Variants in GALNT7 observed in about 807,000 individuals in gnomAD.
GALNT7 encodes the protein N-acetylgalactosaminyltransferase 7.
A neutral mutation model predicts 82.1 loss-of-function variants in GALNT7; 60 were observed. That is an observed-to-expected ratio of 0.73 (90% CI 0.59 to 0.91). The LOEUF is 0.91. Ranked by LOEUF, GALNT7 falls within the 40% of genes least tolerant of loss-of-function variation. GALNT7 has a pLI of 0.00. For missense variants in GALNT7, 660 were observed against 804.2 expected (o/e 0.82, Z 2.17); for synonymous variants, 243 against 275.1 (o/e 0.88, Z 1.15).
chr4:173,247,991 T>A lies in GALNT7; in HGVS notation c.138T>A (p.Asp46Glu), dbSNP rs1454356568. 1 of 1,609,242 alleles carries A rather than the reference T, an allele frequency of 6.2e-7. No homozygotes were observed. Among genetic ancestry groups the A allele is most frequent in the African/African-American group, 1.3e-5 (1 of 74,838 alleles). Residue 46 changes from aspartate (D) to glutamate (E), a missense_variant, in exon 2 of 12, where the codon GAT becomes GAA. By Grantham distance (45) the Asp-to-Glu change is conservative (BLOSUM62 2). Around this residue, in one of 2 missense-constraint regions of GALNT7, gnomAD observed 133 missense variants for 120.7 expected, o/e 1.10. Transcript: ENST00000265000. ...SPLSRMREDR[D>E]VNDPMPNRGG... Reference sequence around the variant, plus strand: ...TCCCTTTTGTATAGGAAGACAGAGATGTCAATGACCCCATGCCCAACCGAG... The same window carrying A: ...TCCCTTTTGTATAGGAAGACAGAGAAGTCAATGACCCCATGCCCAACCGAG...
chr4:173,213,792 A>T (rs1273992224), intron 1 of GALNT7, among the ~76,000 whole-genome samples: 1 of 152,150 alleles, frequency 6.6e-6, no homozygotes, highest in South Asian at 2.1e-4. Flanking sequence ...GGCATATAGC[A>T]CCTCAGTTCT....
At chr4:173,169,466 C>G (rs1731771746) in intron 1 of GALNT7, 2 of 151,684 alleles carry the variant, frequency 1.3e-5, no homozygotes, top group African/African-American at 2.4e-5. Context: ...CCAGCCTCCC[C>G]TCCCGCAGCC....
At chr4:173,210,674 C>G (rs931460788) in intron 1 of GALNT7, among the ~76,000 whole-genome samples, 1 of 152,100 alleles carries the variant, frequency 6.6e-6, no homozygotes, top group Non-Finnish European at 1.5e-5. Flanking sequence ...TCAAGCGATC[C>G]GCCCACCTCG....
At chr4:173,284,037 T>C (rs1223417906) in intron 2 of GALNT7, among the ~76,000 whole-genome samples, 1 of 152,246 alleles carries the variant, frequency 6.6e-6, no homozygotes, top group Admixed American at 6.5e-5. Flanking sequence ...TCCTTGACTC[T>C]GAAAAACAAA....
intron 1 of GALNT7, among the ~76,000 whole-genome samples, chr4:173,212,933 C>T (rs950708445): frequency 3.0e-4 from 46 of 152,062 alleles, no homozygotes; most frequent in African/African-American, 9.1e-4. Flanking sequence ...AATACTAAAA[C>T]TTGGAACCAC....
intron 1 of GALNT7, among the ~76,000 whole-genome samples, chr4:173,231,028 A>T (rs889985631): frequency 2.6e-5 from 4 of 152,248 alleles, no homozygotes; most frequent in African/African-American, 9.6e-5. Context: ...GATAGTTTGA[A>T]CATCTAAAAA....
chr4:173,319,227 A>G (rs890931239), intron 11 of GALNT7, among the ~76,000 whole-genome samples: 1 of 152,164 alleles, frequency 6.6e-6, no homozygotes, highest in African/African-American at 2.4e-5. Flanking sequence ...TTTGGCTAAC[A>G]TAAATCAATT....
At chr4:173,295,173 G>GAA (rs1736675416) in intron 3 of GALNT7, among the ~76,000 whole-genome samples, 1 of 152,168 alleles carries the variant, frequency 6.6e-6, no homozygotes, top group Non-Finnish European at 1.5e-5. Context: ...TTGTTTAGAA[G>GAA]GGTGTTTGAT....
chr4:173,245,082 G>A (rs1361131447), intron 1 of GALNT7, among the ~76,000 whole-genome samples: 1 of 152,070 alleles, frequency 6.6e-6, no homozygotes, highest in East Asian at 1.9e-4. Flanking sequence ...ATGTAGCAGT[G>A]ATCACTATAA....
intron 8 of GALNT7, among the ~76,000 whole-genome samples, chr4:173,312,680 T>C (rs1433949230): frequency 1.3e-5 from 2 of 152,270 alleles, no homozygotes; most frequent in African/African-American, 4.8e-5. Context: ...CATTCATTCA[T>C]CAATTAAAGC....
In GALNT7 at chr4:173,313,941, A is replaced by G. The variant is rs75731353; in HGVS notation, c.1390-17A>G. ...TATTTTTATAACGATATATATATATATATTTTTTTTTTACAGAATTATGTT... is the reference window on the plus strand; with the variant it reads ...TATTTTTATAACGATATATATATATGTATTTTTTTTTTACAGAATTATGTT... On this transcript the variant is annotated splice_polypyrimidine_tract_variant and intron_variant, in intron 8 of 11. Transcript: ENST00000265000. The G allele has an allele frequency of 8.3e-6, 9 of 1,083,892 alleles. No individual in the cohort carries two copies. The South Asian group carries it at 8.8e-5, about 11-fold the overall frequency. 67.1% of individuals were successfully genotyped at this position (1,083,892 alleles called of 1,614,324 possible).
At chr4:173,255,158 A>G (rs78815605) in intron 2 of GALNT7, among the ~76,000 whole-genome samples, 8,943 of 152,270 alleles carry the variant, frequency 0.059, 764 homozygotes, top group African/African-American at 0.19. Flanking sequence ...ACTGGAAATC[A>G]AGGTAACTTG....
chr4:173,207,813 GT>G (rs1733146298), intron 1 of GALNT7, among the ~76,000 whole-genome samples: 1 of 152,170 alleles, frequency 6.6e-6, no homozygotes, highest in Non-Finnish European at 1.5e-5. Context: ...TTTTAGAAAG[GT>G]TATGTAAGTT....
At chr4:173,311,584 A>G (rs1261333866) in intron 8 of GALNT7, among the ~76,000 whole-genome samples, 1 of 152,150 alleles carries the variant, frequency 6.6e-6, no homozygotes, top group Non-Finnish European at 1.5e-5. Flanking sequence ...AAGGTGCTAC[A>G]CACTTTTCAC....
In GALNT7 at chr4:173,245,692, A is replaced by G. The variant is rs893334103; in HGVS notation, c.127-2288A>G. On this transcript the variant is annotated intron_variant, in intron 1 of 11. Coordinates refer to ENST00000265000, the MANE Select transcript of GALNT7 (RefSeq NM_017423.3). The stretch of plus-strand genomic sequence containing the variant: ...ATATTAATTTACTTACAACACTAAC[A>G]TAAGTAAGTATAATTTTGGAAGGAG... Among the ~76,000 whole-genome samples the G allele has an allele frequency of 1.1e-4, 16 of 152,312 alleles. 1 individual carries two copies. The highest frequency in any genetic ancestry group is 4.1e-4 in the South Asian group (2 of 4,826).
chr4:173,303,245 C>G (rs1737021623), intron 7 of GALNT7, among the ~76,000 whole-genome samples: 1 of 151,378 alleles, frequency 6.6e-6, no homozygotes, highest in Non-Finnish European at 1.5e-5. Flanking sequence ...GAATTTGCGG[C>G]AGAAGTAGGA....
intron 1 of GALNT7, among the ~76,000 whole-genome samples, chr4:173,184,813 G>C (rs565942924): frequency 6.6e-6 from 1 of 152,156 alleles, no homozygotes; most frequent in South Asian, 2.1e-4. Flanking sequence ...GTTGAACACT[G>C]ATGTTTCAAT....
intron 1 of GALNT7, among the ~76,000 whole-genome samples, chr4:173,195,898 A>T (rs763620761): frequency 2.6e-5 from 4 of 152,214 alleles, no homozygotes; most frequent in Non-Finnish European, 5.9e-5. Flanking sequence ...CTAAAACTAA[A>T]ACATGCCTCT....
rs78858955 is a variant in GALNT7 at position 173,244,391 on chromosome 4, A to G, written c.127-3589A>G. 9.0e-3 allele frequency among the ~76,000 whole-genome samples: 1,370 copies of G among 152,340 alleles called. 11 individuals are homozygous for G. Among genetic ancestry groups the G allele is most frequent in the Non-Finnish European group, 0.016 (1,073 of 68,028 alleles). On this transcript the variant is annotated intron_variant, in intron 1 of 11. Coordinates refer to ENST00000265000, the MANE Select transcript of GALNT7 (RefSeq NM_017423.3). The stretch of plus-strand genomic sequence containing the variant: ...CTGCTGGAATATGGTAAGCAGGGAA[A>G]GAAACATGTTGATGTATGAATTTTA...
Sources: allele counts gnomAD v4.1 joint callset (sites outside exome capture counted in the v4.1 genomes callset), GRCh38; gene constraint gnomAD v4.1.1; regional missense constraint gnomAD v4.1.1; transcripts MANE v1.5; gene names NCBI Gene and HGNC (gene_info 2026-07-23, HGNC 2026-07-21).